SNX24: variants seen among roughly 807,000 people sequenced by gnomAD.
SNX24 encodes the protein sorting nexin-24.
In SNX24, 22 loss-of-function variants were observed where a neutral mutation model predicts 28.7. The ratio of observed to expected loss-of-function variants is 0.77; its 90% CI spans 0.55 to 1.10. SNX24 has a LOEUF of 1.10. SNX24 is among the 50% of genes least tolerant of loss of function. SNX24 has a pLI of 0.00. For missense variants in SNX24, 221 were observed against 201.1 expected, an observed-to-expected ratio of 1.10 and a Z score of -0.60; for synonymous variants, 69 against 71.5, an observed-to-expected ratio of 0.96 and a Z score of 0.18.
intron 1 of SNX24, among the ~76,000 whole-genome samples, chr5:122,901,782 G>A (rs1280300536): frequency 6.6e-6 from 1 of 152,166 alleles, no homozygotes; most frequent in Non-Finnish European, 1.5e-5. Flanking sequence ...ATGCCTGGTA[G>A]ATGCCTGGTC....
At chr5:122,849,342 C>T (rs1754790589) in intron 1 of SNX24, among the ~76,000 whole-genome samples, 1 of 152,046 alleles carries the variant, frequency 6.6e-6, no homozygotes, top group South Asian at 2.1e-4. Flanking sequence ...GGATTCTCAG[C>T]CCATATAGAA....
chr5:122,946,334 G>T (rs907054068), intron 3 of SNX24, among the ~76,000 whole-genome samples, 175 bp downstream of exon 3: 3 of 152,154 alleles, frequency 2.0e-5, no homozygotes, highest in East Asian at 1.9e-4. Flanking sequence ...TTTAATTAGG[G>T]TTCTATTTAA....
At chr5:122,884,760 G>T (rs985070275) in intron 1 of SNX24, among the ~76,000 whole-genome samples, 1 of 152,098 alleles carries the variant, frequency 6.6e-6, no homozygotes, top group African/African-American at 2.4e-5. Context: ...AGGAGTGGGG[G>T]TGCTCTGTGG....
intron 1 of SNX24, among the ~76,000 whole-genome samples, chr5:122,867,128 T>G: frequency 6.6e-6 from 1 of 152,182 alleles, no homozygotes; most frequent in East Asian, 1.9e-4. Flanking sequence ...TGCAAAGTAT[T>G]GCAACTTAGC....
chr5:122,871,381 C>G (rs1401026114), intron 1 of SNX24, among the ~76,000 whole-genome samples: 1 of 152,212 alleles, frequency 6.6e-6, no homozygotes, highest in East Asian at 1.9e-4. Flanking sequence ...AAAGGAGAAG[C>G]ATCAGCTTTG....
At chr5:122,920,418 A>G (rs77087580) in intron 1 of SNX24, among the ~76,000 whole-genome samples, 3,715 of 152,288 alleles carry the variant, frequency 0.024, 139 homozygotes, top group African/African-American at 0.071. Flanking sequence ...GATCCTGAAA[A>G]TAATTATTTT....
chr5:122,927,252 A>G (rs1161041624), intron 1 of SNX24, among the ~76,000 whole-genome samples: 1 of 152,252 alleles, frequency 6.6e-6, no homozygotes, highest in African/African-American at 2.4e-5. Context: ...GAGCAATGGA[A>G]GACATAAGAT....
At chr5:122,913,385 G>T (rs1757989519) in intron 1 of SNX24, among the ~76,000 whole-genome samples, 1 of 151,632 alleles carries the variant, frequency 6.6e-6, no homozygotes, top group African/African-American at 2.4e-5. Flanking sequence ...CGGCTGGCTG[G>T]GCGGGTGGCT....
intron 1 of SNX24, among the ~76,000 whole-genome samples, chr5:122,888,420 T>G (rs1457525123): frequency 3.2e-5 from 2 of 62,954 alleles, no homozygotes; most frequent in African/African-American, 2.5e-4. Context: ...GGCATATTAT[T>G]TAACATTTCT....
intron 1 of SNX24, among the ~76,000 whole-genome samples, chr5:122,899,950 T>G (rs1757362041): frequency 6.6e-6 from 1 of 152,202 alleles, no homozygotes; most frequent in African/African-American, 2.4e-5. Context: ...CTCTCCCTTT[T>G]TTCCAGCTTT....
rs1348402585 is a variant in SNX24 at position 123,008,363 on chromosome 5, G to T, written c.*614G>T. ...AGAGTGGAGTTGCATCATACTCAGG[G>T]GTTAGCTTCCAAGGTCAGTACATAG... On this transcript the variant is annotated 3_prime_UTR_variant, in exon 7 of 7. Coordinates refer to ENST00000261369, the MANE Select transcript of SNX24 (RefSeq NM_014035.4). 1.1e-6 allele frequency: 1 copy of T among 927,152 alleles called. No individual in the cohort carries two copies. The highest frequency in any genetic ancestry group is 1.3e-6 in the Non-Finnish European group (1 of 776,948). The allele number at this position is 927,152 out of a possible 1,614,324, so 57.4% of individuals were successfully genotyped here.
chr5:122,972,865 T>A (rs1259410785), intron 3 of SNX24, among the ~76,000 whole-genome samples: 1 of 152,184 alleles, frequency 6.6e-6, no homozygotes, highest in African/African-American at 2.4e-5. Context: ...TCAGTGATAG[T>A]CTCTGCTGCT....
chr5:122,856,104 C>T (rs1367486127), intron 1 of SNX24, among the ~76,000 whole-genome samples: 1 of 152,138 alleles, frequency 6.6e-6, no homozygotes, highest in African/African-American at 2.4e-5. Flanking sequence ...GGTTTTTGAT[C>T]TTCTCCCTTC....
intron 6 of SNX24, among the ~76,000 whole-genome samples, chr5:123,002,352 C>T (rs1479753309): frequency 1.3e-5 from 2 of 152,120 alleles, no homozygotes; most frequent in Non-Finnish European, 2.9e-5. Flanking sequence ...TTTAAAAATG[C>T]CTCTTCCCGG....
At chr5:122,987,052 G>A (rs982541989) in intron 3 of SNX24, among the ~76,000 whole-genome samples, 1 of 152,178 alleles carries the variant, frequency 6.6e-6, no homozygotes, top group Admixed American at 6.5e-5. Flanking sequence ...GGAGAAGATC[G>A]ATGGAAGTGC....
chr5:122,876,068 C>T (rs1230888645), intron 1 of SNX24, among the ~76,000 whole-genome samples: 2 of 152,236 alleles, frequency 1.3e-5, no homozygotes, highest in African/African-American at 4.8e-5. Flanking sequence ...TGGTCTCAAA[C>T]TCCTGACCTC....
At chr5:122,966,498 A>T (rs1373524580) in intron 3 of SNX24, among the ~76,000 whole-genome samples, 2 of 152,246 alleles carry the variant, frequency 1.3e-5, no homozygotes, top group Non-Finnish European at 2.9e-5. Context: ...AAAGAGATGG[A>T]CTGTGTTGAA....
At chr5:122,933,054 A>G (rs1305125512) in intron 1 of SNX24, among the ~76,000 whole-genome samples, 1 of 152,074 alleles carries the variant, frequency 6.6e-6, no homozygotes, top group South Asian at 2.1e-4. Flanking sequence ...AGATATTTTT[A>G]TAGTCCTAAA....
chr5:122,997,063 T>A (rs1385524452), intron 3 of SNX24, among the ~76,000 whole-genome samples: 8 of 152,232 alleles, frequency 5.3e-5, no homozygotes, highest in Admixed American at 5.2e-4. Context: ...CATGTGTGTA[T>A]GAACAAAAAG....
Sources: gnomAD v4.1 joint callset for allele counts (sites outside exome capture counted in the v4.1 genomes callset) on GRCh38, gnomAD v4.1.1 for gene constraint, MANE v1.5 for transcripts, NCBI Gene and HGNC (gene_info 2026-07-23, HGNC 2026-07-21) for gene names.